The following COX7B2 variants were observed in gnomAD, a reference collection of about 807,000 sequenced individuals.
COX7B2 encodes the protein cytochrome c oxidase subunit 7B2, mitochondrial.
For synonymous variants in COX7B2, 37 were observed against 32.1 expected (o/e 1.15, Z -0.51); for missense variants, 109 against 95.9 (o/e 1.14, Z -0.57).
chr4:46,740,806 TCTAA>T (rs1405166612), intron 2 of COX7B2, among the ~76,000 whole-genome samples: 1 of 152,112 alleles, frequency 6.6e-6, no homozygotes, highest in Non-Finnish European at 1.5e-5. Context: ...AGTAAGTTAC[TCTAA>T]CTAAATTGAG....
At chr4:46,908,627 A>C (rs977035124) in intron 1 of COX7B2, among the ~76,000 whole-genome samples, 7 of 151,390 alleles carry the variant, frequency 4.6e-5, no homozygotes, top group Admixed American at 2.0e-4. Flanking sequence ...CTTTCCTTTT[A>C]ATTTTCCTTT....
intron 2 of COX7B2, among the ~76,000 whole-genome samples, chr4:46,822,260 G>A (rs1714351570): frequency 6.6e-6 from 1 of 151,994 alleles, no homozygotes; most frequent in Non-Finnish European, 1.5e-5. Context: ...TTGAGGAGAG[G>A]ACCACAAACA....
At chr4:46,822,609 C>T (rs1283124740) in intron 2 of COX7B2, among the ~76,000 whole-genome samples, 1 of 152,046 alleles carries the variant, frequency 6.6e-6, no homozygotes, top group Non-Finnish European at 1.5e-5. Context: ...ATTAAATAAA[C>T]TTAAATTCTA....
intron 1 of COX7B2, among the ~76,000 whole-genome samples, chr4:46,902,137 C>T (rs1402433566): frequency 6.6e-6 from 1 of 152,200 alleles, no homozygotes; most frequent in African/African-American, 2.4e-5. Context: ...GATCTTCCCA[C>T]TCAGTCTCAG....
chr4:46,809,416 A>G (rs1401420878), intron 2 of COX7B2, among the ~76,000 whole-genome samples: 2 of 151,714 alleles, frequency 1.3e-5, no homozygotes, highest in Admixed American at 6.6e-5. Context: ...TATTTCTATA[A>G]ACTTTCCTCT....
At chr4:46,735,374 A>C (rs1672273903) in intron 2 of COX7B2, 133 bp from the exon 3 acceptor site, 1 of 653,726 alleles carries the variant, frequency 1.5e-6, no homozygotes, top group African/African-American at 1.9e-5. Context: ...TCTGAATTTG[A>C]ATCCCAGCTT....
intron 1 of COX7B2, among the ~76,000 whole-genome samples, chr4:46,908,548 G>T (rs1261108241): frequency 6.6e-6 from 1 of 152,160 alleles, no homozygotes; most frequent in Non-Finnish European, 1.5e-5. Flanking sequence ...TTCTGCCAGA[G>T]TGCAACACTT....
At chr4:46,753,063 G>C (rs1283248631) in intron 2 of COX7B2, among the ~76,000 whole-genome samples, 2 of 151,946 alleles carry the variant, frequency 1.3e-5, no homozygotes, top group Non-Finnish European at 2.9e-5. Context: ...TTTTTTGGTT[G>C]GTAAGCTATT....
At chr4:46,814,513 A>G (rs1719447142) in intron 2 of COX7B2, among the ~76,000 whole-genome samples, 1 of 151,688 alleles carries the variant, frequency 6.6e-6, no homozygotes, top group African/African-American at 2.4e-5. Context: ...CCAAAAGAAA[A>G]GTTTACTTAG....
intron 2 of COX7B2, among the ~76,000 whole-genome samples, chr4:46,758,956 T>G (rs2109463763): frequency 6.6e-6 from 1 of 152,204 alleles, no homozygotes; most frequent in Non-Finnish European, 1.5e-5. Context: ...ATCTCAAAAC[T>G]GCCTAAAGGG....
intron 2 of COX7B2, among the ~76,000 whole-genome samples, chr4:46,764,697 G>C (rs1176783199): frequency 7.5e-6 from 1 of 133,246 alleles, no homozygotes; most frequent in Admixed American, 7.5e-5. Context: ...AAAAAAAAAA[G>C]TAGAATATTT....
At chr4:46,836,308 T>C (rs998015422) in intron 2 of COX7B2, among the ~76,000 whole-genome samples, 4 of 152,138 alleles carry the variant, frequency 2.6e-5, no homozygotes, top group Non-Finnish European at 4.4e-5. Flanking sequence ...TGTCCAAAAA[T>C]ATTTTTATAT....
At chr4:46,741,511 CT>C (rs898538789) in intron 2 of COX7B2, among the ~76,000 whole-genome samples, 1 of 152,004 alleles carries the variant, frequency 6.6e-6, no homozygotes, top group Non-Finnish European at 1.5e-5. Flanking sequence ...GTATCCTCCC[CT>C]ATCACTTCTC....
At chr4:46,809,220 C>CT (rs1719161921) in intron 2 of COX7B2, among the ~76,000 whole-genome samples, 1 of 151,664 alleles carries the variant, frequency 6.6e-6, no homozygotes, top group Admixed American at 6.6e-5. Flanking sequence ...TTAGACAACT[C>CT]TTTTTTCTTC....
intron 2 of COX7B2, among the ~76,000 whole-genome samples, chr4:46,825,726 C>G (rs1714644130): frequency 1.3e-5 from 2 of 151,888 alleles, no homozygotes; most frequent in Non-Finnish European, 2.9e-5. Flanking sequence ...AGAAATAAGG[C>G]CACACCCACA....
At chr4:46,881,090 T>A (rs1373225249) in intron 1 of COX7B2, among the ~76,000 whole-genome samples, 2 of 152,180 alleles carry the variant, frequency 1.3e-5, no homozygotes, top group Non-Finnish European at 2.9e-5. Context: ...TTGTTATTTC[T>A]TGTTTGAACC....
At chr4:46,735,693 G>A (rs1714323099) in intron 2 of COX7B2, among the ~76,000 whole-genome samples, 1 of 151,950 alleles carries the variant, frequency 6.6e-6, no homozygotes, top group Non-Finnish European at 1.5e-5. Flanking sequence ...CCCTCCTACA[G>A]GCAAAATTCT....
chr4:46,804,774 T>C (rs1577725121), intron 2 of COX7B2, among the ~76,000 whole-genome samples: 3 of 152,362 alleles, frequency 2.0e-5, no homozygotes, highest in African/African-American at 7.2e-5. Context: ...TCACCCAGTG[T>C]ATCCCCTACC....
rs1434119842 is a variant in COX7B2, at chr4:46,894,819, G to A, written c.-105+14341C>T. 4.6e-5 allele frequency among the ~76,000 whole-genome samples: 7 copies of A among 152,246 alleles called. 1 individual carries two copies. In the South Asian group the frequency reaches 1.4e-3, roughly 32 times the overall value. ...AAAAAACAACCCCATTAAAAAGTGG[G>A]TAAAAGACATAATCACTTTTCAAAA... On this transcript the variant is annotated intron_variant, in intron 1 of 2. Coordinates refer to ENST00000355591, the MANE Select transcript of COX7B2 (RefSeq NM_130902.3).
Sources: gnomAD v4.1 joint callset for allele counts (sites outside exome capture counted in the v4.1 genomes callset) on GRCh38, gnomAD v4.1.1 for gene constraint, MANE v1.5 for transcripts, NCBI Gene and HGNC (gene_info 2026-07-23, HGNC 2026-07-21) for gene names.